Variants in TXNDC11 observed in about 807,000 individuals in gnomAD.
TXNDC11 encodes the protein thioredoxin domain-containing protein 11.
Under a neutral mutation model 78.0 loss-of-function variants are expected in TXNDC11, and 68 were observed. The ratio of observed to expected loss-of-function variants is 0.87; its 90% CI spans 0.72 to 1.07. The LOEUF is 1.07. Ranked by LOEUF, TXNDC11 falls within the 50% of genes least tolerant of loss-of-function variation. The pLI is 0.00. For missense variants in TXNDC11, 1,389 were observed against 1,221.8 expected (o/e 1.14, Z -2.04); for synonymous variants, 571 against 495.2 (o/e 1.15, Z -2.03).
intron 10 of TXNDC11, among the ~76,000 whole-genome samples, chr16:11,685,937 A>G (rs1430873894): frequency 6.6e-6 from 1 of 152,104 alleles, no homozygotes; most frequent in Non-Finnish European, 1.5e-5. Context: ...TTTCTTATGC[A>G]GGCTGCAGGC....
intron 5 of TXNDC11, among the ~76,000 whole-genome samples, chr16:11,717,638 G>GTTTGACAAGTTT (rs1567332718): frequency 6.6e-6 from 1 of 151,738 alleles, no homozygotes; most frequent in African/African-American, 2.4e-5. Flanking sequence ...TGGCCAACAT[G>GTTTGACAAGTTT]GTGAAACCCC....
At chr16:11,711,173 T>C (rs1597455686) in intron 5 of TXNDC11, among the ~76,000 whole-genome samples, 1 of 151,994 alleles carries the variant, frequency 6.6e-6, no homozygotes, top group East Asian at 1.9e-4. Flanking sequence ...AATCACCATA[T>C]CATATCACCT....
At chr16:11,686,900 T>G (rs914322003) in intron 10 of TXNDC11, among the ~76,000 whole-genome samples, 1 of 152,214 alleles carries the variant, frequency 6.6e-6, no homozygotes, top group Admixed American at 6.5e-5. Context: ...TATGTCTCAG[T>G]TTCCTCCTCA....
chr16:11,710,225 G>A (rs1597454013), intron 5 of TXNDC11, among the ~76,000 whole-genome samples: 2 of 151,862 alleles, frequency 1.3e-5, no homozygotes, highest in Middle Eastern at 3.4e-3. Context: ...TAGCCCTCAG[G>A]GGAAGGAAGG....
rs182221338 is a variant in TXNDC11, at chr16:11,713,048, G to A, written c.793+8529C>T. Among the ~76,000 whole-genome samples the A allele has an allele frequency of 2.2e-4, 33 of 150,742 alleles. No homozygotes were observed. The Middle Eastern group carries it at 0.01, about 47-fold the overall frequency. On this transcript the variant is annotated intron_variant, in intron 5 of 11. Transcript: ENST00000283033. ...CTTGAACCCAGGAGGCGGAGGTTGCGGTGAGTCAAGATCGTGCCATTGCAC... is the reference window on the plus strand; with the variant it reads ...CTTGAACCCAGGAGGCGGAGGTTGCAGTGAGTCAAGATCGTGCCATTGCAC...
At chr16:11,712,285 G>A (rs1418015245) in intron 5 of TXNDC11, among the ~76,000 whole-genome samples, 1 of 152,158 alleles carries the variant, frequency 6.6e-6, no homozygotes, top group East Asian at 1.9e-4. Flanking sequence ...CAAGGCACAA[G>A]TGGACACACC....
intron 7 of TXNDC11, among the ~76,000 whole-genome samples, chr16:11,695,842 T>C (rs2050843882): frequency 6.6e-6 from 1 of 152,018 alleles, no homozygotes; most frequent in South Asian, 2.1e-4. Flanking sequence ...GAAACCTGCC[T>C]GGGTAACATG....
intron 5 of TXNDC11, among the ~76,000 whole-genome samples, chr16:11,720,605 C>T (rs866526019): frequency 6.6e-6 from 1 of 151,718 alleles, no homozygotes; most frequent in Non-Finnish European, 1.5e-5. Context: ...TTAGTAGAGA[C>T]GGGGTTTCGT....
chr16:11,707,265 A>T (rs1287532302), intron 5 of TXNDC11, among the ~76,000 whole-genome samples: 2 of 151,914 alleles, frequency 1.3e-5, no homozygotes, highest in African/African-American at 4.8e-5. Context: ...CATCTCTACT[A>T]AAAATTAGCC....
chr16:11,684,819 C>T (rs759438978), intron 10 of TXNDC11, among the ~76,000 whole-genome samples: 9 of 152,350 alleles, frequency 5.9e-5, no homozygotes, highest in Admixed American at 4.6e-4. Context: ...TGGCACAGAG[C>T]TGGGCACACA....
chr16:11,710,972 C>T (rs1259545930), intron 5 of TXNDC11, among the ~76,000 whole-genome samples: 1 of 150,656 alleles, frequency 6.6e-6, no homozygotes, highest in African/African-American at 2.4e-5. Flanking sequence ...TCTATTAGTG[C>T]AACAGCAGCT....
intron 5 of TXNDC11, among the ~76,000 whole-genome samples, chr16:11,716,254 A>T (rs965771088): frequency 6.6e-6 from 1 of 152,222 alleles, no homozygotes. Context: ...TTTGCTGCAA[A>T]TCTTCTCTTT....
At chr16:11,702,188 T>C (rs1414206420) in intron 5 of TXNDC11, among the ~76,000 whole-genome samples, 1 of 152,006 alleles carries the variant, frequency 6.6e-6, no homozygotes, top group Non-Finnish European at 1.5e-5. Flanking sequence ...GGTTTGATGT[T>C]GGAGAACGAA....
intron 8 of TXNDC11, chr16:11,690,208 G>A (rs1247863776): frequency 2.6e-5 from 4 of 152,208 alleles, no homozygotes; most frequent in Non-Finnish European, 5.9e-5. Flanking sequence ...AACTAACGTG[G>A]CTTTTGAATT....
At chr16:11,707,947 G>C (rs1461991142) in intron 5 of TXNDC11, among the ~76,000 whole-genome samples, 2 of 152,034 alleles carry the variant, frequency 1.3e-5, no homozygotes, top group Non-Finnish European at 2.9e-5. Context: ...CGCTGAGCGT[G>C]ATGATGTAAG....
At chr16:11,709,511 T>G (rs2051280591) in intron 5 of TXNDC11, among the ~76,000 whole-genome samples, 1 of 135,350 alleles carries the variant, frequency 7.4e-6, no homozygotes, top group Non-Finnish European at 1.5e-5. Context: ...CTCGGCTCAC[T>G]GCAAGCTCCG....
chr16:11,682,969 A>G lies in TXNDC11; in HGVS notation c.2234+1196T>C, dbSNP rs116982764. Among the ~76,000 whole-genome samples the G allele has an allele frequency of 2.0e-3, 311 of 152,332 alleles. 4 individuals carry two copies. The East Asian group carries it at 0.046, about 22-fold the overall frequency. ...CTGAATCGCAAAAGGGAGGCAGGAAATTAAAACAGCAAACGTCATACATGC... is the reference window on the plus strand; with the variant it reads ...CTGAATCGCAAAAGGGAGGCAGGAAGTTAAAACAGCAAACGTCATACATGC... On this transcript the variant is annotated intron_variant, in intron 11 of 11. Coordinates refer to ENST00000283033, the MANE Select transcript of TXNDC11 (RefSeq NM_015914.7).
chr16:11,700,547 G>C lies in TXNDC11; in HGVS notation c.811C>G (p.Arg271Gly), dbSNP rs773358580. ...TGTTTATTTGTGATAACCCCAAATC[G>C]TACTGTTCCTAGGTAATCTGAAACA... ...SLKKDYLGTV[R>G]FGVITNKHLA... The change falls in exon 6 of 12, where the codon CGA (arginine) becomes GGA (glycine). Residue 271 changes from arginine to glycine, a missense_variant. Physicochemically the swap from Arg to Gly is moderately radical, Grantham distance 125 (BLOSUM62 -2). Transcript: ENST00000283033. 1 of 1,595,118 alleles carries C rather than the reference G, an allele frequency of 6.3e-7. No individual in the cohort carries two copies. The highest frequency in any genetic ancestry group is 1.7e-5 in the Admixed American group (1 of 59,860).
At chr16:11,720,447 G>A (rs556589094) in intron 5 of TXNDC11, among the ~76,000 whole-genome samples, 187 of 140,018 alleles carry the variant, frequency 1.3e-3, no homozygotes, top group African/African-American at 3.6e-3. Context: ...ACAGAGTCTC[G>A]CTCTGTCACC....
Sources: gnomAD v4.1 joint callset for allele counts (sites outside exome capture counted in the v4.1 genomes callset) on GRCh38, gnomAD v4.1.1 for gene constraint, MANE v1.5 for transcripts, NCBI Gene and HGNC (gene_info 2026-07-23, HGNC 2026-07-21) for gene names.